SH3PXD2A: variants seen among roughly 807,000 people sequenced by gnomAD.
SH3PXD2A encodes SH3 and PX domain-containing protein 2A.
SH3PXD2A carries 32 observed loss-of-function variants against 115.2 expected under a neutral mutation model. The observed-to-expected ratio is 0.28, with a 90% CI of 0.21 to 0.37. The LOEUF (loss-of-function observed/expected upper bound fraction) is 0.37. Among genes scored for constraint, SH3PXD2A ranks in the 10% least tolerant of loss-of-function variants. The pLI, the probability that SH3PXD2A is intolerant of heterozygous loss-of-function variation, is 1.00. For missense variants in SH3PXD2A, 1,328 were observed against 1,498.7 expected (o/e 0.89, Z 1.88); for synonymous variants, 610 against 629.1 (o/e 0.97, Z 0.45).
intron 11 of SH3PXD2A, among the ~76,000 whole-genome samples, chr10:103,614,744 T>G (rs1307287149): frequency 6.6e-6 from 1 of 152,110 alleles, no homozygotes; most frequent in Non-Finnish European, 1.5e-5. Context: ...ACACCAGATG[T>G]CTGAACACCT....
At chr10:103,833,141 T>C (rs2039498643) in intron 1 of SH3PXD2A, among the ~76,000 whole-genome samples, 1 of 152,246 alleles carries the variant, frequency 6.6e-6, no homozygotes, top group Non-Finnish European at 1.5e-5. Flanking sequence ...TAGAATATTC[T>C]AAATATCTGG....
chr10:103,784,533 G>A lies in SH3PXD2A; in HGVS notation c.153+16749C>T, dbSNP rs1259318614. On this transcript the variant is annotated intron_variant, in intron 2 of 14. Transcript: ENST00000369774. This position sits in a 1 kb window ranked among gnomAD's most constrained non-coding sequence, Gnocchi z 4.4. ...ATTCACGTGTTAAATCTGGGCAGTC[G>A]GTCCTCTCATGCCTGTGATATCATT... Among the ~76,000 whole-genome samples, 2 of 152,182 alleles carry A rather than the reference G, an allele frequency of 1.3e-5. No individual in the cohort carries two copies. The highest frequency in any genetic ancestry group is 4.8e-5 in the African/African-American group (2 of 41,438).
intron 4 of SH3PXD2A, among the ~76,000 whole-genome samples, chr10:103,725,419 A>G (rs2038228817): frequency 6.6e-6 from 1 of 151,970 alleles, no homozygotes; most frequent in African/African-American, 2.4e-5. Context: ...AGAGAGGAGG[A>G]GTGGGCATTC....
At chr10:103,646,852 C>G (rs1015058773) in intron 8 of SH3PXD2A, among the ~76,000 whole-genome samples, 1 of 152,170 alleles carries the variant, frequency 6.6e-6, no homozygotes, top group Admixed American at 6.5e-5. Context: ...TAAGGCCCAG[C>G]CTTTGATCAA....
At chr10:103,715,424 A>T (rs1254559848) in intron 5 of SH3PXD2A, among the ~76,000 whole-genome samples, 1 of 152,236 alleles carries the variant, frequency 6.6e-6, no homozygotes, top group Non-Finnish European at 1.5e-5. Flanking sequence ...GGTCCCTGGC[A>T]TACAGCTGGC....
intron 5 of SH3PXD2A, among the ~76,000 whole-genome samples, chr10:103,700,979 C>G (rs2037886956): frequency 6.6e-6 from 1 of 150,966 alleles, no homozygotes; most frequent in Non-Finnish European, 1.5e-5. Context: ...CACCATCCAT[C>G]CATCCATCAT....
At chr10:103,736,363 G>A (rs1319634643) in intron 3 of SH3PXD2A, among the ~76,000 whole-genome samples, 1 of 152,204 alleles carries the variant, frequency 6.6e-6, no homozygotes, top group East Asian at 1.9e-4. Context: ...CCAGCCATAC[G>A]GGCTGCTGCC....
At chr10:103,641,700 G>T (rs1035547598) in intron 8 of SH3PXD2A, among the ~76,000 whole-genome samples, 2 of 152,190 alleles carry the variant, frequency 1.3e-5, no homozygotes, top group African/African-American at 2.4e-5. Context: ...GAAGCCCTGA[G>T]TCTTGGAAGA....
At chr10:103,662,347 G>T (rs1261274115) in intron 7 of SH3PXD2A, among the ~76,000 whole-genome samples, 2 of 99,110 alleles carry the variant, frequency 2.0e-5, no homozygotes, top group Non-Finnish European at 4.0e-5. Context: ...TTGGCGGGGG[G>T]GGGGGCGGGG....
intron 3 of SH3PXD2A, among the ~76,000 whole-genome samples, chr10:103,760,785 T>C (rs570307142): frequency 3.3e-5 from 5 of 152,226 alleles, no homozygotes; most frequent in African/African-American, 7.2e-5. Flanking sequence ...CTCAAACTCT[T>C]ATCCTCAAGT....
At chr10:103,651,288 G>A (rs951387956) in intron 8 of SH3PXD2A, among the ~76,000 whole-genome samples, 47 of 152,200 alleles carry the variant, frequency 3.1e-4, no homozygotes, top group African/African-American at 1.0e-3. Flanking sequence ...CCCTCCCCAA[G>A]GACCTGGTAA....
intron 6 of SH3PXD2A, among the ~76,000 whole-genome samples, chr10:103,691,544 G>C (rs1461393207): frequency 6.6e-6 from 1 of 152,036 alleles, no homozygotes. Flanking sequence ...AGTGACAGTG[G>C]AGGAATGCTC....
At chr10:103,636,135 G>A (rs6584565) in intron 8 of SH3PXD2A, among the ~76,000 whole-genome samples, 22,336 of 152,138 alleles carry the variant, frequency 0.15, 2,170 homozygotes, top group African/African-American at 0.25. Flanking sequence ...GAAGCTGGGC[G>A]CGGTGGCTCA....
intron 7 of SH3PXD2A, among the ~76,000 whole-genome samples, chr10:103,664,735 C>G (rs1171279014): frequency 6.7e-6 from 1 of 149,654 alleles, no homozygotes; most frequent in South Asian, 2.1e-4. Flanking sequence ...GGCAAAATCT[C>G]GGCTCACTGC....
intron 8 of SH3PXD2A, among the ~76,000 whole-genome samples, chr10:103,649,894 G>C (rs1323096923): frequency 6.6e-6 from 1 of 152,188 alleles, no homozygotes; most frequent in Non-Finnish European, 1.5e-5. Flanking sequence ...AGAGCCTCTG[G>C]ACCTGAGGGG....
chr10:103,655,948 AAACGAGTG>A (rs1185024476), intron 8 of SH3PXD2A, among the ~76,000 whole-genome samples: 6 of 152,332 alleles, frequency 3.9e-5, no homozygotes, highest in Admixed American at 3.9e-4. Context: ...ATGGTGAAAT[AAACGAGTG>A]AATAAATGAA....
chr10:103,604,289 G>A (rs1310172726), intron 14 of SH3PXD2A, among the ~76,000 whole-genome samples: 3 of 152,236 alleles, frequency 2.0e-5, no homozygotes, highest in Non-Finnish European at 4.4e-5. Context: ...CGAGGCCAGA[G>A]CCTCTCTGCA....
At chr10:103,606,516 C>G (rs765219535) in intron 13 of SH3PXD2A, among the ~76,000 whole-genome samples, 27 of 147,068 alleles carry the variant, frequency 1.8e-4, no homozygotes, top group Non-Finnish European at 3.6e-4. Context: ...CCCTCTCCCT[C>G]TCTTTCCACG....
chr10:103,731,201 C>T (rs1442752128), intron 4 of SH3PXD2A, among the ~76,000 whole-genome samples: 2 of 151,062 alleles, frequency 1.3e-5, no homozygotes, highest in Non-Finnish European at 3.0e-5. Context: ...CACTGTGTTG[C>T]CCAGGCTGGA....
Sources: allele counts gnomAD v4.1 joint callset (sites outside exome capture counted in the v4.1 genomes callset), GRCh38; gene constraint gnomAD v4.1.1; non-coding constraint Gnocchi (gnomAD v3.1); transcripts MANE v1.5; gene names NCBI Gene and HGNC (gene_info 2026-07-23, HGNC 2026-07-21).